The following HTR4 variants were observed in gnomAD, a reference collection of about 807,000 sequenced individuals.
HTR4 encodes 5-hydroxytryptamine (serotonin) receptor 4, G protein-coupled.
A neutral mutation model predicts 36.8 loss-of-function variants in HTR4; 16 were observed. The observed-to-expected ratio is 0.43, with a 90% confidence interval of 0.29 to 0.66. The LOEUF is 0.66. HTR4 is among the 30% of genes least tolerant of loss of function. The pLI is 0.13. For missense variants in HTR4, 438 were observed against 490.9 expected (o/e 0.89, Z 1.02); for synonymous variants, 189 against 185.1 (o/e 1.02, Z -0.17).
At chr5:148,566,679 C>T (rs1760453426) in intron 2 of HTR4, among the ~76,000 whole-genome samples, 1 of 152,040 alleles carries the variant, frequency 6.6e-6, no homozygotes, top group Non-Finnish European at 1.5e-5. Flanking sequence ...CACTGAAATG[C>T]AAATCTGGTA....
chr5:148,457,567 G>A (rs1462643553), intron 5 of HTR4, among the ~76,000 whole-genome samples: 1 of 151,204 alleles, frequency 6.6e-6, no homozygotes, highest in Admixed American at 6.6e-5. Context: ...CTGCAAGGCA[G>A]TGTTCACAAA....
chr5:148,596,481 C>T (rs114435756), intron 2 of HTR4, among the ~76,000 whole-genome samples: 2,531 of 152,258 alleles, frequency 0.017, 76 homozygotes, highest in African/African-American at 0.057. Context: ...CCCCCATTCC[C>T]GTTGTCTCTA....
chr5:148,475,904 T>C (rs1225439932), downstream of HTR4, among the ~76,000 whole-genome samples: 1 of 152,130 alleles, frequency 6.6e-6, no homozygotes, highest in African/African-American at 2.4e-5. Context: ...AAACTGAAGC[T>C]CCAAGAGTTG....
rs982080861 is a variant in HTR4 at position 148,654,236 on chromosome 5, G to A, written c.-222C>T. On this transcript the variant is annotated 5_prime_UTR_variant, in exon 1 of 7. It adds an upstream start codon to the 5' untranslated region. Transcript: ENST00000377888. ...CCCCCGCGCTGGGGAGCCGGCGAGC[G>A]TGAGGCGCGGGCCAGGGGCTGCGGG... The A allele has an allele frequency of 9.1e-6, 9 of 985,016 alleles. No homozygotes were observed. Among genetic ancestry groups the A allele is most frequent in the Middle Eastern group, 5.2e-4 (1 of 1,934 alleles). The allele number at this position is 985,016 out of a possible 1,614,324, so 61.0% of individuals were successfully genotyped here.
chr5:148,565,654 A>T (rs1276401358), intron 2 of HTR4, among the ~76,000 whole-genome samples: 1 of 152,084 alleles, frequency 6.6e-6, no homozygotes, highest in Non-Finnish European at 1.5e-5. Context: ...ACATGTATAC[A>T]CTCACACCTA....
intron 5 of HTR4, among the ~76,000 whole-genome samples, chr5:148,513,991 C>T (rs1176998603): frequency 2.0e-5 from 3 of 152,106 alleles, no homozygotes; most frequent in Admixed American, 6.6e-5. Flanking sequence ...AGTTAGATAT[C>T]AACTAAAATT....
rs145481374 is a variant in HTR4 at position 148,546,236 on chromosome 5, A to G, written c.353+2432T>C. ...GACATGAACAACAACATCCACTAAC[A>G]TGGAATATTGTGACAAGCTGGGCCA... On this transcript the variant is annotated intron_variant, in intron 4 of 6. Transcript: ENST00000377888. 5.0e-3 allele frequency among the ~76,000 whole-genome samples: 755 copies of G among 152,294 alleles called. 2 individuals carry two copies. The highest frequency in any genetic ancestry group is 0.018 in the African/African-American group (731 of 41,560).
intron 2 of HTR4, among the ~76,000 whole-genome samples, chr5:148,617,431 T>A (rs1435614112): frequency 6.6e-6 from 1 of 152,012 alleles, no homozygotes; most frequent in East Asian, 1.9e-4. Flanking sequence ...TAACACACAC[T>A]TCTTATAATA....
intron 5 of HTR4, among the ~76,000 whole-genome samples, chr5:148,453,118 A>T (rs75666559): frequency 0.022 from 3,345 of 152,192 alleles, 59 homozygotes; most frequent in Non-Finnish European, 0.036. Context: ...TCATTCCTGG[A>T]ATGCTTCTTT....
chr5:148,483,855 G>A (rs374397615), intron 6 of HTR4, among the ~76,000 whole-genome samples: 2 of 152,028 alleles, frequency 1.3e-5, no homozygotes, highest in African/African-American at 4.8e-5. Context: ...TATTGAGCTT[G>A]CTGCCAACTT....
intron 2 of HTR4, among the ~76,000 whole-genome samples, chr5:148,575,536 A>C (rs1220331038): frequency 3.3e-5 from 5 of 152,060 alleles, no homozygotes; most frequent in African/African-American, 4.8e-5. Context: ...TACCTAGTAA[A>C]GTAGAGATGT....
rs531572600 is a variant in HTR4, at chr5:148,499,438, C to T, written c.1076+10018G>A. On this transcript the variant is annotated intron_variant, in intron 6 of 6. Coordinates refer to ENST00000377888, the MANE Select transcript of HTR4 (RefSeq NM_000870.7). ...TACATGCAGCTAGAAATTTATCTTA[C>T]ATTTTTATGATTTATATTTTGCCCC... 5.3e-5 allele frequency among the ~76,000 whole-genome samples: 8 copies of T among 152,256 alleles called. No individual in the cohort carries two copies. The South Asian group carries it at 1.2e-3, about 24-fold the overall frequency.
chr5:148,632,742 G>A (rs6869075), intron 2 of HTR4, among the ~76,000 whole-genome samples: 3,662 of 152,030 alleles, frequency 0.024, 167 homozygotes, highest in African/African-American at 0.084. Context: ...ATAATAAACA[G>A]CCAGAAAAAA....
At position 148,467,466 on chromosome 5, in the gene HTR4, G is replaced by A. The variant is rs539726678; in HGVS notation, c.1077-16194C>T. On this transcript the variant is annotated intron_variant, in intron 5 of 5. Transcript: ENST00000521530. The stretch of plus-strand genomic sequence containing the variant: ...ATATAGACATGTCTGAAATTACTGA[G>A]CAAATTCTGGCAAAAAATAACCACA... Among the ~76,000 whole-genome samples the A allele has an allele frequency of 8.5e-5, 13 of 152,172 alleles. No homozygotes were observed. In the South Asian group the frequency reaches 2.7e-3, roughly 32 times the overall value.
chr5:148,608,268 C>A (rs927779724), intron 2 of HTR4, among the ~76,000 whole-genome samples: 3 of 152,138 alleles, frequency 2.0e-5, no homozygotes, highest in Non-Finnish European at 2.9e-5. Flanking sequence ...ATCTTAAAGT[C>A]TTGCAGGGGA....
chr5:148,488,206 T>A (rs146336843), intron 6 of HTR4, among the ~76,000 whole-genome samples: 144 of 152,324 alleles, frequency 9.5e-4, no homozygotes, highest in African/African-American at 3.2e-3. Flanking sequence ...GATCAAGTGT[T>A]TCCCAAACAT....
intron 5 of HTR4, among the ~76,000 whole-genome samples, chr5:148,452,508 GA>G (rs1299788434): frequency 1.8e-4 from 27 of 152,300 alleles, no homozygotes; most frequent in Admixed American, 1.8e-3. Flanking sequence ...AGGGACCGGG[GA>G]TGCTGATCAG....
intron 1 of HTR4, among the ~76,000 whole-genome samples, chr5:148,648,533 GCC>G (rs1753940648): frequency 6.6e-6 from 1 of 152,186 alleles, no homozygotes; most frequent in East Asian, 1.9e-4. Context: ...TCTATTACAA[GCC>G]ACAGTATGTG....
intron 2 of HTR4, among the ~76,000 whole-genome samples, chr5:148,616,250 A>G (rs1234880089): frequency 6.6e-6 from 1 of 152,140 alleles, no homozygotes; most frequent in Non-Finnish European, 1.5e-5. Context: ...CTGATGGTTT[A>G]TTTTTCCAAA....
Sources: gnomAD v4.1 joint callset for allele counts (sites outside exome capture counted in the v4.1 genomes callset) on GRCh38, gnomAD v4.1.1 for gene constraint, MANE v1.5 for transcripts, NCBI Gene and HGNC (gene_info 2026-07-23, HGNC 2026-07-21) for gene names.